VWA8: variants seen among roughly 807,000 people sequenced by gnomAD.
VWA8 encodes von Willebrand factor A domain-containing protein 8.
A neutral mutation model predicts 241.5 loss-of-function variants in VWA8; 221 were observed. That is an observed-to-expected ratio of 0.91 (90% CI 0.82 to 1.02). The LOEUF (loss-of-function observed/expected upper bound fraction) is 1.02. Among genes scored for constraint, VWA8 ranks in the 50% least tolerant of loss-of-function variants. VWA8 has a pLI of 0.00. For synonymous variants in VWA8, 852 were observed against 827.1 expected (o/e 1.03, Z -0.52); for missense variants, 2,322 against 2,328.7 (o/e 1.00, Z 0.06).
chr13:41,647,858 G>A (rs1198449430), intron 37 of VWA8, among the ~76,000 whole-genome samples: 2 of 151,990 alleles, frequency 1.3e-5, no homozygotes, highest in Non-Finnish European at 2.9e-5. Context: ...GTATCATGAC[G>A]CATGCCTGTA....
intron 21 of VWA8, among the ~76,000 whole-genome samples, chr13:41,758,606 A>G (rs1001944744): frequency 6.8e-6 from 1 of 148,052 alleles, no homozygotes; most frequent in African/African-American, 2.5e-5. Flanking sequence ...CTTTTTTTAT[A>G]TGTTTCTTAA....
At chr13:41,942,110 A>G (rs78373344) in intron 2 of VWA8, among the ~76,000 whole-genome samples, 49 of 152,332 alleles carry the variant, frequency 3.2e-4, no homozygotes, top group African/African-American at 1.1e-3. Flanking sequence ...GTTATTATAC[A>G]TCTATTTTGT....
At chr13:41,642,135 T>C (rs2044799659) in intron 37 of VWA8, among the ~76,000 whole-genome samples, 1 of 152,200 alleles carries the variant, frequency 6.6e-6, no homozygotes, top group Non-Finnish European at 1.5e-5. Flanking sequence ...TTATACCATT[T>C]AGGTATTGAA....
At chr13:41,728,745 T>C (rs535890334) in intron 23 of VWA8, among the ~76,000 whole-genome samples, 1 of 152,192 alleles carries the variant, frequency 6.6e-6, no homozygotes, top group Admixed American at 6.5e-5. Flanking sequence ...AATGGCAATC[T>C]TGCAATGATG....
At position 41,603,369 on chromosome 13, in the gene VWA8, T is replaced by C. The variant is rs78828371; in HGVS notation, c.4986+1799A>G. On this transcript the variant is annotated intron_variant, in intron 40 of 44. Transcript: ENST00000379310. Reference sequence around the variant, plus strand: ...GAAGTCAGAGCAGTGGACCTGACTTTTCATCTTTTGGCTGATTGTATAAAC... The same window carrying C: ...GAAGTCAGAGCAGTGGACCTGACTTCTCATCTTTTGGCTGATTGTATAAAC... Among the ~76,000 whole-genome samples the C allele has an allele frequency of 7.3e-3, 1,116 of 152,264 alleles. 8 individuals are homozygous for C. Among genetic ancestry groups the C allele is most frequent in the South Asian group, 0.033 (157 of 4,830 alleles).
At chr13:41,829,835 A>G (rs533371138) in intron 14 of VWA8, among the ~76,000 whole-genome samples, 5 of 152,172 alleles carry the variant, frequency 3.3e-5, no homozygotes, top group Non-Finnish European at 5.9e-5. Flanking sequence ...TATCAGGTAC[A>G]CTGCTCAGGT....
At chr13:41,847,316 T>A (rs1872332561) in intron 12 of VWA8, among the ~76,000 whole-genome samples, 1 of 152,196 alleles carries the variant, frequency 6.6e-6, no homozygotes, top group Non-Finnish European at 1.5e-5. Context: ...GATAGTATGA[T>A]GGCAAATGAC....
Position 41,699,251 on chromosome 13 carries a change from G to C in VWA8, c.3384C>G (p.Leu1128=). Residue 1128 remains leucine, a synonymous_variant, in exon 29 of 45, where the codon CTC becomes CTG. Transcript: ENST00000379310. ...AAGCGGGATTGCATGTAACTACATA[G>C]AGAGTATTTTGCTCATTTTCTGAAA... The part of the protein sequence containing the change: ...ATSHENEQNT[L]YVVTCNPASL... 3.1e-6 allele frequency: 5 copies of C among 1,614,116 alleles called. No individual in the cohort carries two copies. The highest frequency in any genetic ancestry group is 1.3e-5 in the African/African-American group (1 of 75,046).
chr13:41,903,405 T>A (rs1272006499), intron 4 of VWA8, among the ~76,000 whole-genome samples: 1 of 152,108 alleles, frequency 6.6e-6, no homozygotes, highest in Non-Finnish European at 1.5e-5. Flanking sequence ...AGTTATATTC[T>A]AGCGGGGGAG....
chr13:41,637,974 C>T (rs2044770224), intron 37 of VWA8, among the ~76,000 whole-genome samples: 1 of 152,190 alleles, frequency 6.6e-6, no homozygotes, highest in African/African-American at 2.4e-5. Flanking sequence ...TCTATGAAAC[C>T]TCACACAAGA....
In VWA8 at chr13:41,729,527, T is replaced by A. The variant is rs1566431550; in HGVS notation, c.2638+15A>T. On this transcript the variant is annotated intron_variant, in intron 23 of 44. Coordinates refer to ENST00000379310, the MANE Select transcript of VWA8 (RefSeq NM_015058.2). Reference sequence around the variant, plus strand: ...TGTATTTATTAAAGGAAACATTGCTTTCTAAAATACTCACTTGCAACAATG... The same window carrying A: ...TGTATTTATTAAAGGAAACATTGCTATCTAAAATACTCACTTGCAACAATG... 6.2e-7 allele frequency: 1 copy of A among 1,603,062 alleles called. No homozygotes were observed. The highest frequency in any genetic ancestry group is 8.5e-7 in the Non-Finnish European group (1 of 1,175,816).
At chr13:41,686,726 C>T (rs1054215693) in intron 34 of VWA8, among the ~76,000 whole-genome samples, 6 of 152,074 alleles carry the variant, frequency 3.9e-5, no homozygotes, top group Non-Finnish European at 8.8e-5. Context: ...TACTTTCTTG[C>T]TCAAGTCCAC....
intron 16 of VWA8, among the ~76,000 whole-genome samples, chr13:41,811,611 G>C (rs181461647): frequency 6.6e-5 from 10 of 152,128 alleles, no homozygotes; most frequent in Admixed American, 3.3e-4. Context: ...AGGGGCAATG[G>C]GGGAAGGATG....
Position 41,692,748 on chromosome 13 carries a change from T to C in VWA8, c.3675+114A>G. ...TCTATACGTGCATAACAGGAAATTC[T>C]CTTGTGCATTACAACAAAAAAGGCA... On this transcript the variant is annotated intron_variant, in intron 30 of 44. Transcript: ENST00000379310. 4.4e-6 allele frequency: 3 copies of C among 688,034 alleles called. No homozygotes were observed. The South Asian group carries it at 5.6e-5, about 13-fold the overall frequency. 42.6% of individuals were successfully genotyped at this position (688,034 alleles called of 1,614,324 possible).
In VWA8 at chr13:41,590,721, T is replaced by C. The variant is rs2139647371; in HGVS notation, c.5031A>G (p.Gly1677=). ...CAATGATCTTGGCATCATCTAATTC[T>C]CCAGTAGCTTGATGTCTTAGCCATT... ...ERQWLRHQAT[G]ELDDAKIIDG... The change falls in exon 41 of 45, where the codon GGA becomes GGG. Residue 1677 remains glycine (G), a synonymous_variant. Transcript: ENST00000379310. 5 of 1,614,152 alleles carry C rather than the reference T, an allele frequency of 3.1e-6. No homozygotes were observed. The highest frequency in any genetic ancestry group is 4.2e-6 in the Non-Finnish European group (5 of 1,180,016).
intron 17 of VWA8, among the ~76,000 whole-genome samples, chr13:41,803,968 G>C (rs188396574): frequency 1.3e-5 from 2 of 152,210 alleles, no homozygotes; most frequent in East Asian, 3.9e-4. Flanking sequence ...TTGAAGACAG[G>C]CTATTTGAAA....
intron 40 of VWA8, among the ~76,000 whole-genome samples, chr13:41,598,217 C>T (rs2139652173): frequency 6.6e-6 from 1 of 152,174 alleles, no homozygotes; most frequent in African/African-American, 2.4e-5. Flanking sequence ...CTATTTGCCT[C>T]TCCCATATGT....
intron 12 of VWA8, among the ~76,000 whole-genome samples, chr13:41,848,323 C>T (rs1872376532): frequency 6.6e-6 from 1 of 152,172 alleles, no homozygotes. Context: ...AGGAGCCTCT[C>T]ACTTGAAGCA....
At chr13:41,779,239 T>C (rs1868780496) in intron 19 of VWA8, among the ~76,000 whole-genome samples, 1 of 148,022 alleles carries the variant, frequency 6.8e-6, no homozygotes, top group African/African-American at 2.4e-5. Context: ...TATATAAATA[T>C]ATATGATATA....
Sources: allele counts gnomAD v4.1 joint callset (sites outside exome capture counted in the v4.1 genomes callset), GRCh38; gene constraint gnomAD v4.1.1; transcripts MANE v1.5; gene names NCBI Gene and HGNC (gene_info 2026-07-23, HGNC 2026-07-21).